SPMIP9: variants seen among roughly 807,000 people sequenced by gnomAD.
SPMIP9 encodes the protein sperm microtubule inner protein 9.
the SPMIP9 span, chr2:88,529,094 AG>A: frequency 6.2e-7 from 1 of 1,614,050 alleles, no homozygotes; most frequent in Non-Finnish European, 8.5e-7. Flanking sequence ...AGAGTTTTAC[AG>A]GCCCATCCCT....
the SPMIP9 span, chr2:88,524,680 A>C: frequency 2.0e-5 from 3 of 152,526 alleles, no homozygotes; most frequent in African/African-American, 7.2e-5. Context: ...TGGCAAGGGC[A>C]CCTGGAGGTG....
chr2:88,529,114 C>T, the SPMIP9 span: 2 of 1,614,182 alleles, frequency 1.2e-6, no homozygotes, highest in Admixed American at 3.3e-5. Context: ...CTAACCCCAA[C>T]CCCAAGCTAA....
the SPMIP9 span, among the ~76,000 whole-genome samples, chr2:88,524,982 G>A: frequency 2.0e-5 from 3 of 152,138 alleles, no homozygotes; most frequent in Admixed American, 1.3e-4. Flanking sequence ...GGAAGGGAGG[G>A]GTCAGTGTTA....
the SPMIP9 span, among the ~76,000 whole-genome samples, chr2:88,528,648 A>G: frequency 6.6e-6 from 1 of 152,230 alleles, no homozygotes; most frequent in African/African-American, 2.4e-5. Context: ...GATCTAAACA[A>G]ACAAAGATGG....
At chr2:88,526,715 A>C in the SPMIP9 span, among the ~76,000 whole-genome samples, 2 of 151,844 alleles carry the variant, frequency 1.3e-5, no homozygotes, top group South Asian at 4.2e-4. Flanking sequence ...CCCAGGCTGG[A>C]GTGCAGTGGC....
chr2:88,526,328 A>G, the SPMIP9 span: 1 of 1,172,070 alleles, frequency 8.5e-7, no homozygotes, highest in Non-Finnish European at 1.3e-6. Flanking sequence ...TCCTACAAAC[A>G]GCAAGAAGCC....
the SPMIP9 span, chr2:88,529,060 G>T: frequency 5.0e-6 from 8 of 1,610,998 alleles, 1 homozygote; most frequent in Admixed American, 1.3e-4. Flanking sequence ...AGCAGGCAAA[G>T]CTCGATGCTC....
chr2:88,526,771 C>T, the SPMIP9 span, among the ~76,000 whole-genome samples: 7 of 152,058 alleles, frequency 4.6e-5, no homozygotes, highest in South Asian at 1.5e-3. Context: ...TGGATTCAAG[C>T]GATTCTCCTG....
the SPMIP9 span, among the ~76,000 whole-genome samples, chr2:88,528,369 C>G: frequency 6.6e-6 from 1 of 152,078 alleles, no homozygotes; most frequent in Admixed American, 6.5e-5. Flanking sequence ...GACTCCTGTC[C>G]TCAAGTGATC....
the SPMIP9 span, among the ~76,000 whole-genome samples, chr2:88,526,727 C>T: frequency 2.6e-5 from 4 of 152,088 alleles, no homozygotes; most frequent in East Asian, 1.9e-4. Context: ...TGCAGTGGCG[C>T]GATCTCGGCT....
At chr2:88,528,088 T>C in the SPMIP9 span, among the ~76,000 whole-genome samples, 33 of 152,150 alleles carry the variant, frequency 2.2e-4, no homozygotes, top group Non-Finnish European at 4.3e-4. Flanking sequence ...GTTTCTTGTC[T>C]TTTTCTTATT....
chr2:88,525,531 G>A, the SPMIP9 span: 4 of 1,219,762 alleles, frequency 3.3e-6, no homozygotes, highest in Non-Finnish European at 4.9e-6. Flanking sequence ...GGAGGAGTGG[G>A]CTAAGAAAGC....
At chr2:88,527,661 T>C in the SPMIP9 span, among the ~76,000 whole-genome samples, 1 of 152,224 alleles carries the variant, frequency 6.6e-6, no homozygotes, top group Non-Finnish European at 1.5e-5. Context: ...TTGTCGTTTC[T>C]GTATCTGTCT....
the SPMIP9 span, among the ~76,000 whole-genome samples, chr2:88,525,262 A>G: frequency 6.6e-6 from 1 of 152,230 alleles, no homozygotes; most frequent in Non-Finnish European, 1.5e-5. Context: ...GAGCATTTAC[A>G]CCACAGAAAT....
chr2:88,525,512 G>A, the SPMIP9 span: 10 of 979,332 alleles, frequency 1.0e-5, no homozygotes, highest in Middle Eastern at 2.4e-4. Flanking sequence ...AGGAGCCCAG[G>A]GAAGATGGGG....
At chr2:88,527,761 T>C in the SPMIP9 span, among the ~76,000 whole-genome samples, 3 of 152,210 alleles carry the variant, frequency 2.0e-5, no homozygotes, top group African/African-American at 7.2e-5. Context: ...CATCCTAATG[T>C]TCAAGAGTTT....
chr2:88,529,215 C>T, the SPMIP9 span: 931 of 1,614,044 alleles, frequency 5.8e-4, 3 homozygotes, highest in Non-Finnish European at 1.3e-4. Flanking sequence ...CATGAGGCCA[C>T]GAGGGAGGAC....
chr2:88,526,426 T>C, the SPMIP9 span: 69 of 1,613,982 alleles, frequency 4.3e-5, no homozygotes, highest in Admixed American at 1.5e-4. Context: ...TTTAGACATA[T>C]ACCAAAGCTC....
chr2:88,529,356 C>T, the SPMIP9 span: 1 of 1,614,198 alleles, frequency 6.2e-7, no homozygotes, highest in Non-Finnish European at 8.5e-7. Flanking sequence ...AAACACCAGC[C>T]TGCTGCAGAG....
Sources: allele counts gnomAD v4.1 joint callset (sites outside exome capture counted in the v4.1 genomes callset), GRCh38; gene constraint gnomAD v4.1.1; transcripts MANE v1.5; gene names NCBI Gene and HGNC (gene_info 2026-07-23, HGNC 2026-07-21).